The following NEB variants were observed in gnomAD, a reference collection of about 807,000 sequenced individuals.
The protein encoded by NEB is nebulin.
NEB carries 512 observed loss-of-function variants against 952.2 expected under a neutral mutation model. The ratio of observed to expected loss-of-function variants is 0.54; its 90% CI spans 0.50 to 0.58. The LOEUF (loss-of-function observed/expected upper bound fraction) is 0.58, where lower values mean the gene tolerates loss of function less well. Ranked by LOEUF, NEB falls within the 20% of genes least tolerant of loss-of-function variation. The pLI, the probability that NEB is intolerant of heterozygous loss-of-function variation, is 0.00. For synonymous variants in NEB, 2,900 were observed against 3,149.8 expected (o/e 0.92, Z 2.66); for missense variants, 8,428 against 9,231.1 (o/e 0.91, Z 3.56).
rs752565808 is a variant in NEB, at chr2:151,547,533, A to C, written c.20263T>G (p.Leu6755Val). 1.2e-6 allele frequency: 2 copies of C among 1,600,468 alleles called. No individual in the cohort carries two copies. Among genetic ancestry groups the C allele is most frequent in the South Asian group, 2.2e-5 (2 of 88,898 alleles). ...VKKTQEAVSELIYKSDFFKMQ... is the reference protein window; with the variant it reads ...VKKTQEAVSEVIYKSDFFKMQ... The stretch of plus-strand genomic sequence containing the variant: ...TTGAAGAAGTCTGATTTGTAGATCA[A>C]CTAAAGAAAAAAAAATACCCCAAAA... The change falls in exon 133 of 182, where the codon TTG (leucine) becomes GTG (valine). Residue 6755 changes from leucine to valine, a missense_variant and splice_region_variant. Leu to Val is a conservative substitution (Grantham distance 32, BLOSUM62 1). Coordinates refer to ENST00000397345, the MANE Select transcript of NEB (RefSeq NM_001164508.2).
chr2:151,712,174 C>T (rs756676516), intron 10 of NEB, among the ~76,000 whole-genome samples: 2 of 152,116 alleles, frequency 1.3e-5, no homozygotes, highest in Non-Finnish European at 2.9e-5. Flanking sequence ...CATGGCCCTA[C>T]CTCTTGCTTG....
At chr2:151,675,248 C>A in intron 35 of NEB, 39 bp downstream of exon 35, 1 of 1,365,528 alleles carries the variant, frequency 7.3e-7, no homozygotes, top group South Asian at 1.2e-5. Context: ...ATTTTATTGT[C>A]AGGTCCGAAT....
At chr2:151,704,029 T>C (rs1219610902) in intron 13 of NEB, among the ~76,000 whole-genome samples, 4 of 101,926 alleles carry the variant, frequency 3.9e-5, no homozygotes, top group Non-Finnish European at 7.7e-5. Flanking sequence ...GATGTACAGA[T>C]GGGTTTTTGG....
intron 44 of NEB, among the ~76,000 whole-genome samples, 175 bp downstream of exon 44, chr2:151,664,326 A>G (rs1428463320): frequency 6.6e-6 from 1 of 152,214 alleles, no homozygotes; most frequent in African/African-American, 2.4e-5. Context: ...TACATTAAAT[A>G]ATGAACAGAT....
chr2:151,723,343 C>A, intron 9 of NEB, 39 bp downstream of exon 9: 1 of 1,468,312 alleles, frequency 6.8e-7, no homozygotes, highest in South Asian at 1.2e-5. Flanking sequence ...GTTCCCCTGA[C>A]TCTGCACACC....
At position 151,502,843 on chromosome 2, in the gene NEB, T is replaced by C. The variant is rs1194036182; in HGVS notation, c.23878A>G (p.Ile7960Val). The stretch of plus-strand genomic sequence containing the variant: ...TTGACTCTCTCCATCTCTGGAGTGA[T>C]AGGTGTTGGGATTCCTTTCCCCAAA... ...ENLGKGIPTP[I>V]TPEMERVKRN... The change falls in exon 167 of 182, where the codon ATC becomes GTC. Residue 7960 changes from isoleucine (I) to valine (V), a missense_variant. Ile to Val is a conservative substitution (Grantham distance 29, BLOSUM62 3). Around this residue, in one of 11 missense-constraint regions of NEB, gnomAD observed 3,374 missense variants for 3,651.5 expected, o/e 0.92. Transcript: ENST00000397345. 1.2e-6 allele frequency: 2 copies of C among 1,608,098 alleles called. No homozygotes were observed. Among genetic ancestry groups the C allele is most frequent in the South Asian group, 1.1e-5 (1 of 89,554 alleles).
In NEB at chr2:151,510,993, G is replaced by T. The variant is rs374842077; in HGVS notation, c.23346+1740C>A. Among the ~76,000 whole-genome samples, 7 of 152,320 alleles carry T rather than the reference G, an allele frequency of 4.6e-5. No individual in the cohort carries two copies. In the South Asian group the frequency reaches 1.5e-3, roughly 32 times the overall value. ...ACCATTCAACTGTAAATACTGATCT[G>T]AATTGGGGAGGAACTAACTTGCCTG... is the stretch of plus-strand genomic sequence containing the variant. On this transcript the variant is annotated intron_variant, in intron 161 of 181. Transcript: ENST00000397345.
chr2:151,498,693 G>GAAGT (rs1308758059), intron 169 of NEB, among the ~76,000 whole-genome samples: 1 of 152,092 alleles, frequency 6.6e-6, no homozygotes, highest in African/African-American at 2.4e-5. Context: ...AGAAACCAAG[G>GAAGT]AAGTTACTTT....
intron 161 of NEB, among the ~76,000 whole-genome samples, chr2:151,508,992 C>T (rs1453077962): frequency 6.6e-6 from 1 of 152,212 alleles, no homozygotes; most frequent in Non-Finnish European, 1.5e-5. Context: ...AACTTAGCTC[C>T]AGTTTTTCCC....
At chr2:151,496,156 C>T (rs976659312) in intron 173 of NEB, 120 bp downstream of exon 173, 1 of 1,171,898 alleles carries the variant, frequency 8.5e-7, no homozygotes, top group Non-Finnish European at 1.2e-6. Flanking sequence ...GGTAAATTTG[C>T]TAAAGAAATT....
At chr2:151,554,105 C>T (rs1323740101) in intron 125 of NEB, 80 bp from the exon 126 acceptor site, 1 of 1,360,654 alleles carries the variant, frequency 7.3e-7, no homozygotes, top group Non-Finnish European at 1.0e-6. Context: ...GTCAGGCTAA[C>T]CAACTCACAG....
intron 77 of NEB, among the ~76,000 whole-genome samples, chr2:151,613,517 A>G (rs890889768): frequency 6.6e-6 from 1 of 152,220 alleles, no homozygotes; most frequent in Non-Finnish European, 1.5e-5. Flanking sequence ...TATAAGCAAT[A>G]TATTACAGCA....
chr2:151,680,940 A>G (rs1303355147), intron 29 of NEB, 112 bp from the exon 30 acceptor site: 2 of 863,996 alleles, frequency 2.3e-6, no homozygotes, highest in Non-Finnish European at 3.9e-6. Context: ...TCATGATTTT[A>G]AAATGCAAAA....
chr2:151,501,390 C>T lies in NEB; in HGVS notation c.24021+1G>A, dbSNP rs2064419586. On this transcript the variant is annotated splice_donor_variant, in intron 168 of 181. Coordinates refer to ENST00000397345, the MANE Select transcript of NEB (RefSeq NM_001164508.2). LOFTEE classifies it high-confidence loss of function. Reference sequence around the variant, plus strand: ...GAGTTAAAGAGCTTTCTCCCAAATACCGAGCTAAAGTTTTCTTGATTGAGT... The same window carrying T: ...GAGTTAAAGAGCTTTCTCCCAAATATCGAGCTAAAGTTTTCTTGATTGAGT... The T allele has an allele frequency of 6.5e-7, 1 of 1,541,448 alleles. No individual in the cohort carries two copies. The highest frequency in any genetic ancestry group is 8.8e-7 in the Non-Finnish European group (1 of 1,138,432).
intron 18 of NEB, 75 bp from the exon 19 acceptor site, chr2:151,694,704 C>A: frequency 9.4e-7 from 1 of 1,063,778 alleles, no homozygotes; most frequent in Non-Finnish European, 1.4e-6. Context: ...TAGTGGGTAA[C>A]TAAATACCTT....
intron 160 of NEB, 68 bp downstream of exon 160, chr2:151,513,512 G>A (rs1283078722): frequency 1.6e-5 from 18 of 1,118,154 alleles, no homozygotes; most frequent in Non-Finnish European, 2.4e-5. Context: ...AGATGACAGA[G>A]GGACACTTTA....
At chr2:151,728,664 G>A (rs1355989717) in intron 4 of NEB, among the ~76,000 whole-genome samples, 4 of 152,104 alleles carry the variant, frequency 2.6e-5, no homozygotes, top group Non-Finnish European at 5.9e-5. Flanking sequence ...CCCAAAGTTT[G>A]GGTCTAATCC....
chr2:151,570,655 C>A, intron 107 of NEB, 54 bp from the exon 108 acceptor site: 1 of 1,487,468 alleles, frequency 6.7e-7, no homozygotes, highest in South Asian at 1.2e-5. Flanking sequence ...CCAATACCTT[C>A]AATGGCTCAG....
rs2153754800 is a variant in NEB at position 151,570,253 on chromosome 2, T to C, written c.17258A>G (p.Lys5753Arg). ...AGGGCTCTGGATCTTGGCCTTCCAT[T>C]TGGCCCAGTCCAGCCGGTACTCTCG... ...NEREYRLDWA[K>R]WKAKIQSPVD... Residue 5753 changes from lysine (K) to arginine (R), a missense_variant, in exon 109 of 182, where the codon AAA becomes AGA. Around this residue, in one of 11 missense-constraint regions of NEB, gnomAD observed 3,374 missense variants for 3,651.5 expected, o/e 0.92. Transcript: ENST00000397345. The C allele has an allele frequency of 6.2e-7, 1 of 1,613,768 alleles. No homozygotes were observed. Among genetic ancestry groups the C allele is most frequent in the Non-Finnish European group, 8.5e-7 (1 of 1,179,832 alleles).
Sources: gnomAD v4.1 joint callset for allele counts (sites outside exome capture counted in the v4.1 genomes callset) on GRCh38, gnomAD v4.1.1 for gene constraint, gnomAD v4.1.1 regional missense constraint, MANE v1.5 for transcripts, NCBI Gene and HGNC (gene_info 2026-07-23, HGNC 2026-07-21) for gene names.